EIF3H: variants seen among roughly 807,000 people sequenced by gnomAD.
EIF3H encodes the protein eukaryotic translation initiation factor 3 subunit H.
Under a neutral mutation model 44.2 loss-of-function variants are expected in EIF3H, and 26 were observed. That is an observed-to-expected ratio of 0.59 (90% CI 0.43 to 0.82). The LOEUF is 0.82. EIF3H is among the 40% of genes least tolerant of loss of function. The probability of loss-of-function intolerance (pLI) is 0.00; values close to 1 mark genes in which losing one functional copy is unlikely to be tolerated. For missense variants in EIF3H, 359 were observed against 432.8 expected (o/e 0.83, Z 1.51); for synonymous variants, 166 against 151.9 (o/e 1.09, Z -0.68).
chr8:116,721,151 C>T (rs1348354606), intron 2 of EIF3H, among the ~76,000 whole-genome samples: 1 of 152,100 alleles, frequency 6.6e-6, no homozygotes, highest in African/African-American at 2.4e-5. Context: ...GGCCCTTCTG[C>T]TGTGTGTAGC....
At chr8:116,647,873 C>A (rs1529945) in intron 6 of EIF3H, among the ~76,000 whole-genome samples, 1 of 151,950 alleles carries the variant, frequency 6.6e-6, no homozygotes, top group African/African-American at 2.4e-5. Context: ...GCTGAGATGA[C>A]TTTTTTCCCC....
chr8:116,705,924 T>G (rs1459057375), intron 2 of EIF3H, among the ~76,000 whole-genome samples: 1 of 151,098 alleles, frequency 6.6e-6, no homozygotes, highest in Non-Finnish European at 1.5e-5. Context: ...AACGTTTCAG[T>G]AAAATCTAAA....
intron 2 of EIF3H, among the ~76,000 whole-genome samples, chr8:116,688,156 C>T (rs1222980124): frequency 3.3e-5 from 5 of 152,126 alleles, no homozygotes; most frequent in Admixed American, 6.5e-5. Flanking sequence ...CAAGCCACTA[C>T]TGACAAGCTT....
chr8:116,761,323 A>G (rs967795611), intron 1 of EIF3H, among the ~76,000 whole-genome samples: 2 of 151,982 alleles, frequency 1.3e-5, no homozygotes, highest in African/African-American at 4.8e-5. Context: ...ACCAGCCTGG[A>G]CAACATGGTG....
chr8:116,758,310 A>G (rs1399019003), upstream of EIF3H, among the ~76,000 whole-genome samples: 2 of 152,210 alleles, frequency 1.3e-5, no homozygotes, highest in Admixed American at 1.3e-4. Flanking sequence ...CAAAGAACAC[A>G]TGAGAATTCT....
At chr8:116,668,596 A>G (rs2130812319) in intron 2 of EIF3H, among the ~76,000 whole-genome samples, 1 of 152,222 alleles carries the variant, frequency 6.6e-6, no homozygotes, top group East Asian at 1.9e-4. Flanking sequence ...GTACCAGACT[A>G]CTCTGAATCT....
intron 1 of EIF3H, among the ~76,000 whole-genome samples, chr8:116,745,410 A>T (rs1815214642): frequency 6.6e-6 from 1 of 152,230 alleles, no homozygotes; most frequent in Non-Finnish European, 1.5e-5. Flanking sequence ...TTATTAAGTC[A>T]TCTCCTCCAT....
intron 1 of EIF3H, among the ~76,000 whole-genome samples, chr8:116,744,224 A>AC (rs1554603312): frequency 6.6e-5 from 10 of 151,828 alleles, no homozygotes; most frequent in Non-Finnish European, 1.2e-4. Context: ...TAAAAAAAAA[A>AC]AAAACAAACA....
Position 116,645,120 on chromosome 8 carries a change from G to C in EIF3H, c.962-17C>G, listed in dbSNP as rs1354283685. 3 of 1,586,346 alleles carry C rather than the reference G, an allele frequency of 1.9e-6. No homozygotes were observed. Among genetic ancestry groups the C allele is most frequent in the African/African-American group, 1.3e-5 (1 of 74,478 alleles). On this transcript the variant is annotated splice_polypyrimidine_tract_variant and intron_variant, in intron 7 of 7. Transcript: ENST00000521861. ...TTATCTGGCCTGTGCATTTGAGAAA[G>C]AGATAGAGCCATAATGTTCCACAAA...
chr8:116,736,616 C>T (rs892355372), intron 1 of EIF3H, among the ~76,000 whole-genome samples: 1 of 152,042 alleles, frequency 6.6e-6, no homozygotes, highest in Non-Finnish European at 1.5e-5. Flanking sequence ...GAGCCGAGAT[C>T]GCGCCTTTGC....
chr8:116,648,706 C>T, intron 6 of EIF3H, 100 bp downstream of exon 6: 1 of 1,393,880 alleles, frequency 7.2e-7, no homozygotes, highest in South Asian at 1.8e-5. Flanking sequence ...AGCTAACGGT[C>T]AATAATTTAC....
chr8:116,762,341 T>C (rs1815525923), intron 1 of EIF3H, among the ~76,000 whole-genome samples: 1 of 152,216 alleles, frequency 6.6e-6, no homozygotes, highest in African/African-American at 2.4e-5. Flanking sequence ...AAAGTCTATG[T>C]TTGGAAAGAC....
chr8:116,727,280 T>C (rs1814859730), intron 1 of EIF3H, among the ~76,000 whole-genome samples: 1 of 151,354 alleles, frequency 6.6e-6, no homozygotes, highest in African/African-American at 2.4e-5. Flanking sequence ...GAAACGAAGC[T>C]AAAAAAAGGC....
chr8:116,750,459 G>C (rs371223289), intron 1 of EIF3H, among the ~76,000 whole-genome samples: 1 of 149,672 alleles, frequency 6.7e-6, no homozygotes, highest in Non-Finnish European at 1.5e-5. Flanking sequence ...GCCCAATCTG[G>C]AGTGCAGTGG....
At chr8:116,708,720 T>C (rs1439555107) in intron 2 of EIF3H, among the ~76,000 whole-genome samples, 2 of 152,108 alleles carry the variant, frequency 1.3e-5, no homozygotes, top group Admixed American at 1.3e-4. Flanking sequence ...TACTTTATTC[T>C]TAAAACATGA....
chr8:116,689,700 T>C (rs1814140036), intron 2 of EIF3H, among the ~76,000 whole-genome samples: 1 of 152,062 alleles, frequency 6.6e-6, no homozygotes, highest in African/African-American at 2.4e-5. Context: ...GTAATATGGG[T>C]TGTATACAAG....
At chr8:116,692,564 G>A (rs921211084) in intron 2 of EIF3H, among the ~76,000 whole-genome samples, 8 of 152,088 alleles carry the variant, frequency 5.3e-5, no homozygotes, top group South Asian at 2.1e-4. Context: ...GCTTTCATAC[G>A]ATAAATGACT....
At chr8:116,661,367 C>A (rs1813584205) in intron 2 of EIF3H, among the ~76,000 whole-genome samples, 1 of 152,080 alleles carries the variant, frequency 6.6e-6, no homozygotes, top group Non-Finnish European at 1.5e-5. Flanking sequence ...AATTTAGCTA[C>A]AATATAAGAA....
chr8:116,727,970 TA>T (rs1814879644), intron 1 of EIF3H, among the ~76,000 whole-genome samples: 1 of 152,204 alleles, frequency 6.6e-6, no homozygotes, highest in Admixed American at 6.5e-5. Flanking sequence ...AAGATACTGG[TA>T]CTTGATAGCC....
Sources: allele counts gnomAD v4.1 joint callset (sites outside exome capture counted in the v4.1 genomes callset), GRCh38; gene constraint gnomAD v4.1.1; transcripts MANE v1.5; gene names NCBI Gene and HGNC (gene_info 2026-07-23, HGNC 2026-07-21).